TRPM6: variants seen among roughly 807,000 people sequenced by gnomAD.
The protein encoded by TRPM6 is channel kinase 2.
In TRPM6, 111 loss-of-function variants were observed where a neutral mutation model predicts 247.6. That is an observed-to-expected ratio of 0.45 (90% CI 0.38 to 0.52). TRPM6 has a LOEUF of 0.52. Ranked by LOEUF, TRPM6 falls within the 20% of genes least tolerant of loss-of-function variation. The pLI, the probability that TRPM6 is intolerant of heterozygous loss-of-function variation, is 0.00. For synonymous variants in TRPM6, 892 were observed against 853.8 expected, an observed-to-expected ratio of 1.04 and a Z score of -0.78; for missense variants, 2,126 against 2,421.5, an observed-to-expected ratio of 0.88 and a Z score of 2.56.
At chr9:74,736,890 C>T (rs1825714362) in intron 36 of TRPM6, among the ~76,000 whole-genome samples, 1 of 152,156 alleles carries the variant, frequency 6.6e-6, no homozygotes, top group African/African-American at 2.4e-5. Flanking sequence ...AAACAAAAAC[C>T]TATTCAAGTG....
intron 31 of TRPM6, among the ~76,000 whole-genome samples, chr9:74,744,549 C>T (rs1207612418): frequency 1.3e-5 from 2 of 152,142 alleles, no homozygotes; most frequent in East Asian, 1.9e-4. Context: ...AAGTTATTAA[C>T]AGACTACTTC....
At chr9:74,791,703 C>T (rs2118971110) in intron 19 of TRPM6, among the ~76,000 whole-genome samples, 1 of 152,286 alleles carries the variant, frequency 6.6e-6, no homozygotes, top group Middle Eastern at 3.4e-3. Flanking sequence ...CAAACACTTG[C>T]ATCATTTTCT....
At chr9:74,887,786 G>A in intron 1 of TRPM6, 38 bp downstream of exon 1, 1 of 1,614,098 alleles carries the variant, frequency 6.2e-7, no homozygotes, top group Non-Finnish European at 8.5e-7. Flanking sequence ...AATCGCCTAA[G>A]GTCCTTGTTC....
chr9:74,779,134 G>A (rs1256821772), intron 23 of TRPM6, among the ~76,000 whole-genome samples: 1 of 152,092 alleles, frequency 6.6e-6, no homozygotes, highest in Non-Finnish European at 1.5e-5. Context: ...AAATTTAGCT[G>A]GACATAGTGG....
At position 74,821,779 on chromosome 9, in the gene TRPM6, G is replaced by A; in HGVS notation, c.900C>T (p.Ile300=). The part of the protein sequence containing the change: ...GLVVEGGPNV[I]LSVWETVKDK... ...CCTTGACAGTCTCCCACACTGACAG[G>A]ATGACGTTGGGACCGCCTTCCACCA... The change falls in exon 8 of 39, where the codon ATC becomes ATT. Residue 300 remains isoleucine (I), a synonymous_variant. Transcript: ENST00000360774. The A allele has an allele frequency of 1.2e-6, 2 of 1,614,180 alleles. No individual in the cohort carries two copies. The highest frequency in any genetic ancestry group is 1.7e-6 in the Non-Finnish European group (2 of 1,180,032).
chr9:74,788,475 G>T, intron 20 of TRPM6, 139 bp downstream of exon 20: 1 of 991,094 alleles, frequency 1.0e-6, no homozygotes, highest in Non-Finnish European at 1.6e-6. Flanking sequence ...TATGCAGCAT[G>T]TAAGTCAAGG....
At chr9:74,784,081 C>A (rs941203492) in intron 21 of TRPM6, among the ~76,000 whole-genome samples, 7 of 151,976 alleles carry the variant, frequency 4.6e-5, no homozygotes, top group Non-Finnish European at 1.0e-4. Context: ...CATGGTGAAA[C>A]CCCGTCTCTA....
At chr9:74,859,511 G>T (rs1280316179) in intron 1 of TRPM6, among the ~76,000 whole-genome samples, 1 of 152,214 alleles carries the variant, frequency 6.6e-6, no homozygotes, top group Non-Finnish European at 1.5e-5. Flanking sequence ...GGTGGCTCAT[G>T]CCTGTAATCC....
rs1308922026 is a variant in TRPM6, at chr9:74,762,942, A to G, written c.3729T>C (p.His1243=). The change falls in exon 26 of 39, where the codon CAT becomes CAC. Residue 1243 remains histidine, a synonymous_variant. Coordinates refer to ENST00000360774, the MANE Select transcript of TRPM6 (RefSeq NM_017662.5). ...EDEALLAKRK[H]STCKKLPHSW... The stretch of plus-strand genomic sequence containing the variant: ...TGTGGGGAAGTTTTTTGCAAGTAGA[A>G]TGCTTTCTCTTGGCCAGGAGAGCCT... The G allele has an allele frequency of 3.7e-6, 6 of 1,606,548 alleles. No individual in the cohort carries two copies. In the South Asian group the frequency reaches 5.5e-5, roughly 15 times the overall value.
intron 25 of TRPM6, among the ~76,000 whole-genome samples, chr9:74,770,452 A>G (rs185292830): frequency 2.6e-5 from 4 of 152,312 alleles, no homozygotes; most frequent in Admixed American, 2.6e-4. Flanking sequence ...ACACGATGCC[A>G]TGCACCCACA....
chr9:74,735,822 G>C (rs1825677583), intron 36 of TRPM6, among the ~76,000 whole-genome samples: 1 of 152,190 alleles, frequency 6.6e-6, no homozygotes, highest in Non-Finnish European at 1.5e-5. Flanking sequence ...TACAGTTTCT[G>C]ACCTGGTGTG....
At chr9:74,767,714 A>G (rs751098734) in intron 25 of TRPM6, among the ~76,000 whole-genome samples, 9 of 152,192 alleles carry the variant, frequency 5.9e-5, no homozygotes, top group South Asian at 2.1e-4. Flanking sequence ...CACGCCTGTA[A>G]TCCCAGCACT....
rs1829973679 is a variant in TRPM6, at chr9:74,842,398, A to G, written c.153-55T>C. 4 of 1,574,812 alleles carry G rather than the reference A, an allele frequency of 2.5e-6. No individual in the cohort carries two copies. The Admixed American group carries it at 6.7e-5, about 26-fold the overall frequency. ...CTTCAAAATAGAAAATAGATGCAAT[A>G]TGTCTACCTTTTTCTAAAGTAATGT... On this transcript the variant is annotated intron_variant, in intron 3 of 38. Transcript: ENST00000360774.
At chr9:74,809,837 G>A (rs189644544) in intron 13 of TRPM6, among the ~76,000 whole-genome samples, 2 of 151,998 alleles carry the variant, frequency 1.3e-5, no homozygotes, top group African/African-American at 4.8e-5. Context: ...AAAAGTTGCC[G>A]GGTGTGGTGG....
chr9:74,847,204 T>G (rs759584685), intron 3 of TRPM6, among the ~76,000 whole-genome samples: 1 of 152,148 alleles, frequency 6.6e-6, no homozygotes, highest in Non-Finnish European at 1.5e-5. Flanking sequence ...TTTTAAAATT[T>G]TCACTGTTTA....
intron 25 of TRPM6, among the ~76,000 whole-genome samples, chr9:74,770,525 C>G (rs1587487075): frequency 1.3e-5 from 2 of 152,152 alleles, no homozygotes; most frequent in African/African-American, 4.8e-5. Context: ...TTCAGTCTCT[C>G]CAGTGTGTCT....
chr9:74,868,669 T>A (rs931915829), intron 1 of TRPM6, among the ~76,000 whole-genome samples: 1 of 152,188 alleles, frequency 6.6e-6, no homozygotes, highest in Non-Finnish European at 1.5e-5. Flanking sequence ...ATACTTGAGA[T>A]GTTTTCATGG....
At chr9:74,842,746 A>G (rs1039447143) in intron 3 of TRPM6, among the ~76,000 whole-genome samples, 2 of 152,248 alleles carry the variant, frequency 1.3e-5, no homozygotes, top group Non-Finnish European at 2.9e-5. Flanking sequence ...AAAACAACGT[A>G]CATAACTTAA....
chr9:74,787,908 G>A (rs1827753455), intron 20 of TRPM6, among the ~76,000 whole-genome samples: 1 of 152,122 alleles, frequency 6.6e-6, no homozygotes, highest in Middle Eastern at 3.4e-3. Context: ...GTAGAGACGG[G>A]GTTTCACCAT....
Sources: gnomAD v4.1 joint callset for allele counts (sites outside exome capture counted in the v4.1 genomes callset) on GRCh38, gnomAD v4.1.1 for gene constraint, MANE v1.5 for transcripts, NCBI Gene and HGNC (gene_info 2026-07-23, HGNC 2026-07-21) for gene names.